CACNA1C: variants seen among roughly 807,000 people sequenced by gnomAD.
CACNA1C encodes voltage-dependent L-type calcium channel subunit alpha-1C.
CACNA1C carries 30 observed loss-of-function variants against 229.0 expected under a neutral mutation model. The ratio of observed to expected loss-of-function variants is 0.13; its 90% CI spans 0.10 to 0.18. The LOEUF is 0.18. CACNA1C is among the 10% of genes least tolerant of loss of function. The pLI is 1.00. For synonymous variants in CACNA1C, 1,114 were observed against 1,132.5 expected (o/e 0.98, Z 0.33); for missense variants, 1,658 against 2,845.0 (o/e 0.58, Z 9.49).
intron 3 of CACNA1C, among the ~76,000 whole-genome samples, chr12:2,326,385 A>G (rs2096293329): frequency 6.6e-6 from 1 of 152,186 alleles, no homozygotes; most frequent in Non-Finnish European, 1.5e-5. Flanking sequence ...GGGCCCTAGG[A>G]ATATGCATTT....
intron 1 of CACNA1C, among the ~76,000 whole-genome samples, chr12:2,027,269 A>G (rs2047487636): frequency 6.6e-6 from 1 of 152,206 alleles, no homozygotes; most frequent in African/African-American, 2.4e-5. Flanking sequence ...GGTGTTGCCC[A>G]TAACTACATA....
chr12:2,264,814 A>C (rs960357979), intron 3 of CACNA1C, among the ~76,000 whole-genome samples: 8 of 152,176 alleles, frequency 5.3e-5, no homozygotes, highest in African/African-American at 1.9e-4. Context: ...GCTATTCCCC[A>C]TGCCCTTGGT....
chr12:2,129,053 G>A (rs2091346237), intron 3 of CACNA1C, among the ~76,000 whole-genome samples: 2 of 152,198 alleles, frequency 1.3e-5, no homozygotes, highest in Non-Finnish European at 2.9e-5. Flanking sequence ...TAGCCAGACA[G>A]CACATCACCT....
intron 8 of CACNA1C, among the ~76,000 whole-genome samples, chr12:2,505,228 T>C (rs1015005022): frequency 6.6e-6 from 1 of 152,132 alleles, no homozygotes; most frequent in African/African-American, 2.4e-5. Context: ...GCACTTCTCC[T>C]TGTGCCTTCG....
At chr12:2,119,323 C>G (rs1173171157) in intron 2 of CACNA1C, among the ~76,000 whole-genome samples, 1 of 152,220 alleles carries the variant, frequency 6.6e-6, no homozygotes, top group African/African-American at 2.4e-5. Flanking sequence ...CTGTGAGACT[C>G]CATGAACTGG....
chr12:2,415,734 G>A (rs1202960032), intron 3 of CACNA1C, among the ~76,000 whole-genome samples: 3 of 152,048 alleles, frequency 2.0e-5, no homozygotes, highest in Non-Finnish European at 2.9e-5. Context: ...TGAGCTTGGC[G>A]GCTCTCATTG....
At chr12:2,180,349 G>C (rs535093434) in intron 3 of CACNA1C, among the ~76,000 whole-genome samples, 5 of 152,336 alleles carry the variant, frequency 3.3e-5, no homozygotes, top group African/African-American at 1.2e-4. Flanking sequence ...CCTGGAACTG[G>C]CTTCTGCTAG....
chr12:2,053,639 G>A lies in CACNA1C; in HGVS notation c.49+28G>A, dbSNP rs1329853937. The A allele has an allele frequency of 6.4e-7, 1 of 1,561,542 alleles. No homozygotes were observed. ...AAGGCTGGACCCCGCCGCCTCGCCGGGGCTCCCTGCCTTTTCCACCGGGTT... is the reference window on the plus strand; with the variant it reads ...AAGGCTGGACCCCGCCGCCTCGCCGAGGCTCCCTGCCTTTTCCACCGGGTT... On this transcript the variant is annotated intron_variant, in intron 1 of 46. Coordinates refer to ENST00000399655, the MANE Select transcript of CACNA1C (RefSeq NM_000719.7). This position sits in a 1 kb window ranked among gnomAD's most constrained non-coding sequence, Gnocchi z 5.8.
chr12:2,174,545 C>T (rs1387193417), intron 3 of CACNA1C, among the ~76,000 whole-genome samples: 2 of 152,120 alleles, frequency 1.3e-5, no homozygotes, highest in Non-Finnish European at 2.9e-5. Context: ...TTATCTATTT[C>T]CCTCAAGATT....
chr12:2,590,810 T>A (rs2064945455), intron 18 of CACNA1C, among the ~76,000 whole-genome samples: 1 of 152,210 alleles, frequency 6.6e-6, no homozygotes, highest in Non-Finnish European at 1.5e-5. Context: ...AATTACCTGT[T>A]ATCAAATTAT....
At chr12:2,142,969 CTT>C (rs2094396730) in intron 3 of CACNA1C, among the ~76,000 whole-genome samples, 1 of 150,734 alleles carries the variant, frequency 6.6e-6, no homozygotes, top group Non-Finnish European at 1.5e-5. Context: ...TAAAGAAAAT[CTT>C]TAAATTTTTT....
At chr12:2,303,884 A>G (rs758408327) in intron 3 of CACNA1C, among the ~76,000 whole-genome samples, 1 of 152,052 alleles carries the variant, frequency 6.6e-6, no homozygotes, top group Non-Finnish European at 1.5e-5. Context: ...TGGGGAGATG[A>G]GTTGTTCTGG....
chr12:2,095,354 CA>C lies in CACNA1C; in HGVS notation c.50-19869del, dbSNP rs1177463584. On this transcript the variant is annotated intron_variant, in intron 1 of 46. Transcript: ENST00000399655. ...AGGAACAGAGATAGGGGGACAGAGT[CA>C]CAGAGATGATCGAGTGTTACAGCGT... is the stretch of plus-strand genomic sequence containing the variant. Among the ~76,000 whole-genome samples the C allele has an allele frequency of 3.3e-5, 5 of 152,372 alleles. No individual in the cohort carries two copies. In the East Asian group the frequency reaches 9.6e-4, roughly 29 times the overall value.
At chr12:2,092,686 GA>G (rs2071774956) in intron 1 of CACNA1C, among the ~76,000 whole-genome samples, 1 of 152,140 alleles carries the variant, frequency 6.6e-6, no homozygotes, top group African/African-American at 2.4e-5. Context: ...ATGTTGACTT[GA>G]AATAGTTAAC....
At chr12:2,150,625 G>C (rs1458149035) in intron 3 of CACNA1C, among the ~76,000 whole-genome samples, 2 of 152,176 alleles carry the variant, frequency 1.3e-5, no homozygotes, top group Non-Finnish European at 2.9e-5. Context: ...TTCCTTCTGT[G>C]AGTTCTGATG....
chr12:2,235,325 A>G (rs2154367414), intron 3 of CACNA1C, among the ~76,000 whole-genome samples: 1 of 152,264 alleles, frequency 6.6e-6, no homozygotes, highest in South Asian at 2.1e-4. Flanking sequence ...CAAGTCAGGA[A>G]AGCCATTCAG....
chr12:2,682,738 A>G (rs1290316360), intron 43 of CACNA1C, 60 bp downstream of exon 43: 288 of 1,559,908 alleles, frequency 1.8e-4, no homozygotes, highest in Non-Finnish European at 1.2e-5. Context: ...GTGGGGAGGC[A>G]GAGGCAGGTC....
chr12:2,158,421 C>T (rs2095658567), intron 3 of CACNA1C, among the ~76,000 whole-genome samples: 1 of 151,890 alleles, frequency 6.6e-6, no homozygotes, highest in African/African-American at 2.4e-5. Flanking sequence ...ACCAAAGATA[C>T]AAAAAATTAG....
At chr12:2,015,056 A>G (rs934143776) in intron 1 of CACNA1C, among the ~76,000 whole-genome samples, 2 of 152,096 alleles carry the variant, frequency 1.3e-5, no homozygotes, top group Non-Finnish European at 2.9e-5. Flanking sequence ...TTCCTTTCCC[A>G]AGAAAACAGA....
Sources: allele counts gnomAD v4.1 joint callset (sites outside exome capture counted in the v4.1 genomes callset), GRCh38; gene constraint gnomAD v4.1.1; non-coding constraint Gnocchi (gnomAD v3.1); transcripts MANE v1.5; gene names NCBI Gene and HGNC (gene_info 2026-07-23, HGNC 2026-07-21).